Variants in ZDHHC5 observed in about 807,000 individuals in gnomAD.
ZDHHC5 encodes zDHHC palmitoyltransferase 5.
ZDHHC5 carries 22 observed loss-of-function variants against 70.0 expected under a neutral mutation model. The ratio of observed to expected loss-of-function variants is 0.31; its 90% CI spans 0.22 to 0.45. ZDHHC5 has a LOEUF of 0.45. Ranked by LOEUF, ZDHHC5 falls within the 20% of genes least tolerant of loss-of-function variation. ZDHHC5 has a pLI of 1.00. For missense variants in ZDHHC5, 746 were observed against 926.9 expected (o/e 0.80, Z 2.53); for synonymous variants, 313 against 347.8 (o/e 0.90, Z 1.11).
chr11:57,696,175 T>C (rs1590871202), intron 9 of ZDHHC5, 132 bp downstream of exon 9: 1 of 1,357,182 alleles, frequency 7.4e-7, no homozygotes, highest in East Asian at 2.6e-5. Flanking sequence ...CAACAGTTGG[T>C]ACTTGTGCTA....
chr11:57,700,891 C>T lies in ZDHHC5; in HGVS notation c.*860C>T, dbSNP rs1191377573. On this transcript the variant is annotated 3_prime_UTR_variant, in exon 12 of 12. Coordinates refer to ENST00000287169, the MANE Select transcript of ZDHHC5 (RefSeq NM_015457.3). ...CCCTTGGAGCCTCCCCTAGCTTACA[C>T]AGTTAACTTGATTTTAAAATCCAAG... 1 of 152,612 alleles carries T rather than the reference C, an allele frequency of 6.6e-6. No individual in the cohort carries two copies. Among genetic ancestry groups the T allele is most frequent in the African/African-American group, 2.4e-5 (1 of 41,440 alleles). 9.5% of individuals were successfully genotyped at this position (152,612 alleles called of 1,614,324 possible). A position where few individuals can be genotyped will look rare whatever the true frequency, so the allele number is the denominator to read the frequency against.
intron 3 of ZDHHC5, among the ~76,000 whole-genome samples, chr11:57,684,185 C>T (rs1946182788): frequency 6.6e-6 from 1 of 152,096 alleles, no homozygotes; most frequent in Non-Finnish European, 1.5e-5. Context: ...CCATATTGGC[C>T]AGGCTGGTAT....
intron 2 of ZDHHC5, chr11:57,681,386 G>A (rs1946148383): frequency 6.6e-6 from 1 of 152,194 alleles, no homozygotes; most frequent in Non-Finnish European, 1.5e-5. Flanking sequence ...GACAGATGCT[G>A]TCCTCATTCT....
At chr11:57,689,954 T>C in intron 4 of ZDHHC5, 77 bp from the exon 5 acceptor site, 2 of 1,494,612 alleles carry the variant, frequency 1.3e-6, no homozygotes, top group East Asian at 4.5e-5. Context: ...TTAGCTGCCA[T>C]TTGTTTCTCT....
chr11:57,692,020 G>A (rs1393776633), intron 6 of ZDHHC5, among the ~76,000 whole-genome samples: 1 of 150,988 alleles, frequency 6.6e-6, no homozygotes, highest in Non-Finnish European at 1.5e-5. Context: ...ACAGAGTATC[G>A]CTTTGTCACC....
Position 57,699,039 on chromosome 11 carries a change from A to T in ZDHHC5, c.1603A>T (p.Asn535Tyr). The T allele has an allele frequency of 6.2e-7, 1 of 1,611,898 alleles. No individual in the cohort carries two copies. Among genetic ancestry groups the T allele is most frequent in the Non-Finnish European group, 8.5e-7 (1 of 1,179,908 alleles). ...AGAGCCCTCACCAGTCCGTTACGAC[A>T]ATCTGTCGCGCCACATTGTGGCCTC... ...HREPSPVRYD[N>Y]LSRHIVASLQ... Residue 535 changes from asparagine to tyrosine, a missense_variant, in exon 11 of 12, where the codon AAT (asparagine) becomes TAT (tyrosine). Physicochemically the swap from Asn to Tyr is moderately radical, Grantham distance 143. Around this residue, in one of 6 missense-constraint regions of ZDHHC5, gnomAD observed 340 missense variants for 350.1 expected, o/e 0.97. Coordinates refer to ENST00000287169, the MANE Select transcript of ZDHHC5 (RefSeq NM_015457.3).
intron 10 of ZDHHC5, among the ~76,000 whole-genome samples, chr11:57,697,738 G>A (rs2135405289): frequency 1.3e-5 from 2 of 150,442 alleles, no homozygotes; most frequent in South Asian, 4.2e-4. Flanking sequence ...AACCTGGGAG[G>A]AGAATTGCTT....
intron 8 of ZDHHC5, among the ~76,000 whole-genome samples, chr11:57,694,562 A>T (rs150605112): frequency 8.2e-4 from 124 of 152,018 alleles, no homozygotes; most frequent in African/African-American, 2.9e-3. Context: ...GGGTTTTCCT[A>T]TGTTGGCTAG....
At chr11:57,698,150 A>ACACACACACAC (rs1565199239) in intron 10 of ZDHHC5, among the ~76,000 whole-genome samples, 2 of 116,346 alleles carry the variant, frequency 1.7e-5, no homozygotes, top group South Asian at 2.7e-4. Context: ...CACACACACA[A>ACACACACACAC]ACAAATGCCA....
intron 4 of ZDHHC5, among the ~76,000 whole-genome samples, chr11:57,689,084 A>G (rs369421896): frequency 2.6e-5 from 4 of 151,960 alleles, no homozygotes; most frequent in African/African-American, 4.8e-5. Flanking sequence ...CCTTCTATCT[A>G]TTGGCTCAGT....
intron 1 of ZDHHC5, among the ~76,000 whole-genome samples, chr11:57,670,533 T>C (rs988925551): frequency 1.3e-5 from 2 of 152,072 alleles, no homozygotes; most frequent in African/African-American, 4.8e-5. Context: ...ACAAAGTTAC[T>C]GAGGCCTACA....
chr11:57,675,740 T>A (rs1232865702), intron 2 of ZDHHC5, among the ~76,000 whole-genome samples: 1 of 152,242 alleles, frequency 6.6e-6, no homozygotes, highest in East Asian at 1.9e-4. Context: ...TCATCTCCTC[T>A]TCTCCATCTG....
At chr11:57,692,740 C>T (rs1218925969) in intron 7 of ZDHHC5, 38 bp downstream of exon 7, 7 of 1,607,404 alleles carry the variant, frequency 4.4e-6, no homozygotes, top group African/African-American at 1.3e-5. Context: ...TACCATTGGT[C>T]AGAACTTTTA....
At chr11:57,682,263 A>G (rs938425072) in intron 2 of ZDHHC5, among the ~76,000 whole-genome samples, 159 bp from the exon 3 acceptor site, 30 of 152,240 alleles carry the variant, frequency 2.0e-4, no homozygotes, top group African/African-American at 6.8e-4. Flanking sequence ...AACTAGACTC[A>G]CTTAGTGGGA....
intron 2 of ZDHHC5, among the ~76,000 whole-genome samples, chr11:57,675,521 A>G (rs1946060569): frequency 6.6e-6 from 1 of 152,220 alleles, no homozygotes; most frequent in African/African-American, 2.4e-5. Flanking sequence ...TTTGGAGGAC[A>G]ATATTGACCT....
intron 1 of ZDHHC5, 89 bp downstream of exon 1, chr11:57,668,276 C>G (rs1281049389): frequency 2.2e-5 from 7 of 323,192 alleles, no homozygotes; most frequent in African/African-American, 4.3e-5. Flanking sequence ...GAAGGGGGAC[C>G]GAAGACGGGG....
chr11:57,694,472 G>A (rs370304109), intron 8 of ZDHHC5, among the ~76,000 whole-genome samples: 6 of 148,536 alleles, frequency 4.0e-5, no homozygotes, highest in East Asian at 2.0e-4. Flanking sequence ...AGCGATTCTC[G>A]TGCCTCAGCC....
intron 4 of ZDHHC5, among the ~76,000 whole-genome samples, chr11:57,689,464 G>A (rs2135395550): frequency 6.6e-6 from 1 of 151,928 alleles, no homozygotes; most frequent in South Asian, 2.1e-4. Context: ...TGCATCCTCC[G>A]CCTCCCGGGT....
At chr11:57,691,605 A>G (rs1235721000) in intron 6 of ZDHHC5, among the ~76,000 whole-genome samples, 1 of 152,234 alleles carries the variant, frequency 6.6e-6, no homozygotes, top group Non-Finnish European at 1.5e-5. Flanking sequence ...AACTGAAACT[A>G]GACAATATAG....
Sources: gnomAD v4.1 joint callset for allele counts (sites outside exome capture counted in the v4.1 genomes callset) on GRCh38, gnomAD v4.1.1 for gene constraint, gnomAD v4.1.1 regional missense constraint, MANE v1.5 for transcripts, NCBI Gene and HGNC (gene_info 2026-07-23, HGNC 2026-07-21) for gene names.